Variants in CSMD3 observed in about 807,000 individuals in gnomAD.
The protein encoded by CSMD3 is CUB and sushi domain-containing protein 3.
Under a neutral mutation model 435.2 loss-of-function variants are expected in CSMD3, and 177 were observed. The observed-to-expected ratio is 0.41, with a 90% confidence interval of 0.36 to 0.46. The LOEUF is 0.46. Ranked by LOEUF, CSMD3 falls within the 20% of genes least tolerant of loss-of-function variation. The pLI, the probability that CSMD3 is intolerant of heterozygous loss-of-function variation, is 0.34. For synonymous variants in CSMD3, 1,656 were observed against 1,520.5 expected (o/e 1.09, Z -2.07); for missense variants, 4,265 against 4,504.6 (o/e 0.95, Z 1.52).
intron 10 of CSMD3, among the ~76,000 whole-genome samples, chr8:112,861,485 A>G (rs2129900400): frequency 6.6e-6 from 1 of 151,784 alleles, no homozygotes; most frequent in African/African-American, 2.4e-5. Context: ...ACTCTTTATA[A>G]TTTTCTATAT....
chr8:112,938,623 G>T (rs1438083583), intron 9 of CSMD3, among the ~76,000 whole-genome samples: 1 of 152,142 alleles, frequency 6.6e-6, no homozygotes, highest in Non-Finnish European at 1.5e-5. Flanking sequence ...CAACTAGTAA[G>T]TTAGAGGAAA....
At chr8:112,382,931 C>T (rs1829610513) in intron 37 of CSMD3, among the ~76,000 whole-genome samples, 1 of 152,184 alleles carries the variant, frequency 6.6e-6, no homozygotes. Context: ...GCAGAGGTTG[C>T]AGTGAGCTGA....
At chr8:113,069,968 T>G (rs769136266) in intron 5 of CSMD3, among the ~76,000 whole-genome samples, 1 of 152,102 alleles carries the variant, frequency 6.6e-6, no homozygotes, top group African/African-American at 2.4e-5. Context: ...TTTGTCTAAC[T>G]GAGAAACACA....
At chr8:112,413,576 A>T (rs773988192) in intron 32 of CSMD3, among the ~76,000 whole-genome samples, 1 of 152,142 alleles carries the variant, frequency 6.6e-6, no homozygotes, top group Non-Finnish European at 1.5e-5. Context: ...CTCACTACAG[A>T]CCAACAGTTA....
At chr8:113,130,046 T>C (rs1054673190) in intron 4 of CSMD3, among the ~76,000 whole-genome samples, 2 of 151,886 alleles carry the variant, frequency 1.3e-5, no homozygotes, top group African/African-American at 2.4e-5. Context: ...TAAAATATGA[T>C]CAAAATAATA....
intron 47 of CSMD3, among the ~76,000 whole-genome samples, chr8:112,314,854 CATAA>C (rs1034874236): frequency 2.6e-5 from 4 of 151,932 alleles, no homozygotes; most frequent in Non-Finnish European, 5.9e-5. Context: ...ACTTTCTGGA[CATAA>C]ATAAATACAT....
intron 13 of CSMD3, among the ~76,000 whole-genome samples, chr8:112,782,722 A>G (rs1410363525): frequency 6.6e-6 from 1 of 152,086 alleles, no homozygotes; most frequent in Non-Finnish European, 1.5e-5. Flanking sequence ...ATAGCATACA[A>G]TGGAACTCCA....
At chr8:112,574,577 C>A (rs2131305968) in intron 23 of CSMD3, among the ~76,000 whole-genome samples, 1 of 151,882 alleles carries the variant, frequency 6.6e-6, no homozygotes, top group Admixed American at 6.6e-5. Context: ...TAATTAAATC[C>A]AGGGTTTACC....
intron 12 of CSMD3, among the ~76,000 whole-genome samples, chr8:112,803,219 T>G (rs1335463374): frequency 1.3e-5 from 2 of 152,198 alleles, no homozygotes; most frequent in Non-Finnish European, 2.9e-5. Flanking sequence ...TTTTCTGCTA[T>G]CTCTGCTCTT....
chr8:112,506,158 A>C (rs2130927016), intron 29 of CSMD3, among the ~76,000 whole-genome samples: 1 of 152,208 alleles, frequency 6.6e-6, no homozygotes, highest in South Asian at 2.1e-4. Flanking sequence ...ACAAAAATAA[A>C]ATTTTATTTA....
intron 6 of CSMD3, among the ~76,000 whole-genome samples, chr8:112,986,666 A>G (rs2085265736): frequency 6.6e-6 from 1 of 152,132 alleles, no homozygotes; most frequent in African/African-American, 2.4e-5. Context: ...ATAGATTTAC[A>G]TATAAAAAAG....
chr8:112,893,733 T>C (rs192393572), intron 10 of CSMD3, among the ~76,000 whole-genome samples: 1 of 151,646 alleles, frequency 6.6e-6, no homozygotes, highest in East Asian at 2.0e-4. Context: ...AGTGTGATTT[T>C]AAATTTTGTG....
At chr8:112,755,307 G>A (rs1413897166) in intron 13 of CSMD3, among the ~76,000 whole-genome samples, 1 of 149,892 alleles carries the variant, frequency 6.7e-6, no homozygotes, top group African/African-American at 2.5e-5. Flanking sequence ...CTCTAGCCTG[G>A]GCGACGGAGG....
At chr8:112,679,423 A>C (rs1170864071) in intron 16 of CSMD3, among the ~76,000 whole-genome samples, 1 of 152,118 alleles carries the variant, frequency 6.6e-6, no homozygotes, top group Non-Finnish European at 1.5e-5. Context: ...TTGGGTCCAC[A>C]AACAGGCAGG....
In CSMD3 at chr8:112,550,798, A is replaced by C. The variant is rs141130465; in HGVS notation, c.4437T>G (p.Asp1479Glu). Residue 1479 changes from aspartate to glutamate, a missense_variant, in exon 27 of 71, where the codon GAT (aspartate) becomes GAG (glutamate). Around this residue, in one of 3 missense-constraint regions of CSMD3, gnomAD observed 3,255 missense variants for 3,380.2 expected, o/e 0.96. Transcript: ENST00000297405. The part of the protein sequence containing the change: ...LRVWDGPPEN[D>E]MLLKEISGSL... ...ATCCACTAATTTCCTTTAAAAGCAT[A>C]TCATTTTCTGGTGGACCGTCCCAGA... 6.3e-4 allele frequency: 1,014 copies of C among 1,610,916 alleles called. 2 individuals carry two copies. In the African/African-American group the frequency reaches 0.012, roughly 19 times the overall value.
intron 35 of CSMD3, among the ~76,000 whole-genome samples, chr8:112,401,332 T>C (rs1831322187): frequency 6.6e-6 from 1 of 152,154 alleles, no homozygotes; most frequent in Non-Finnish European, 1.5e-5. Flanking sequence ...TGCTATTTTT[T>C]TTTAATTTTT....
At chr8:112,626,356 C>T (rs1038053361) in intron 22 of CSMD3, among the ~76,000 whole-genome samples, 6 of 151,908 alleles carry the variant, frequency 3.9e-5, no homozygotes, top group African/African-American at 1.5e-4. Context: ...GTTTTCAAAG[C>T]CCTAGGTACA....
In CSMD3 at chr8:113,220,513, G is replaced by GA. The variant is rs554538483; in HGVS notation, c.515-46598dup. ...GTAAAGTAATAATCATAATAAAATT[G>GA]AAAAAATTAATGCAAAGGCCTATAC... On this transcript the variant is annotated intron_variant, in intron 3 of 70. Transcript: ENST00000297405. 2.0e-5 allele frequency among the ~76,000 whole-genome samples: 3 copies of GA among 151,384 alleles called. No homozygotes were observed. The South Asian group carries it at 6.2e-4, about 31-fold the overall frequency.
At chr8:112,376,936 C>T (rs1478151585) in intron 38 of CSMD3, among the ~76,000 whole-genome samples, 2 of 151,946 alleles carry the variant, frequency 1.3e-5, no homozygotes, top group South Asian at 2.1e-4. Context: ...CCACAGTTAC[C>T]CAAACACTCA....
Sources: gnomAD v4.1 joint callset for allele counts (sites outside exome capture counted in the v4.1 genomes callset) on GRCh38, gnomAD v4.1.1 for gene constraint, gnomAD v4.1.1 regional missense constraint, MANE v1.5 for transcripts, NCBI Gene and HGNC (gene_info 2026-07-23, HGNC 2026-07-21) for gene names.